Variants in DOC2A observed in about 807,000 individuals in gnomAD.
DOC2A encodes the protein double C2 domain alpha, also known as double C2-like domain-containing protein alpha.
Under a neutral mutation model 40.6 loss-of-function variants are expected in DOC2A, and 28 were observed. The observed-to-expected ratio is 0.69, with a 90% CI of 0.51 to 0.95. The LOEUF (loss-of-function observed/expected upper bound fraction) is 0.95. Ranked by LOEUF, DOC2A falls within the 40% of genes least tolerant of loss-of-function variation. The pLI is 0.00. For synonymous variants in DOC2A, 241 were observed against 236.9 expected, an observed-to-expected ratio of 1.02 and a Z score of -0.16; for missense variants, 474 against 552.5, an observed-to-expected ratio of 0.86 and a Z score of 1.42.
chr16:30,010,502 T>G lies in DOC2A; in HGVS notation c.-13-267A>C. The G allele has an allele frequency of 3.6e-6, 2 of 554,764 alleles. No individual in the cohort carries two copies. The highest frequency in any genetic ancestry group is 4.0e-5 in the South Asian group (2 of 49,628). The allele number at this position is 554,764 out of a possible 1,614,324, so 34.4% of individuals were successfully genotyped here. ...TCCTCACCCACCCACTTCTAGGTTGTCCCTGTATCATCTTGCCAGCTCCTT... is the reference window on the plus strand; with the variant it reads ...TCCTCACCCACCCACTTCTAGGTTGGCCCTGTATCATCTTGCCAGCTCCTT... On this transcript the variant is annotated intron_variant, in intron 1 of 10. Transcript: ENST00000350119. This position sits in a 1 kb window ranked among gnomAD's most constrained non-coding sequence, Gnocchi z 4.2.
rs369844303 is a variant in DOC2A, at chr16:30,006,540, G to C, written c.961-31C>G. 56 of 1,613,242 alleles carry C rather than the reference G, an allele frequency of 3.5e-5. 1 individual carries two copies. The Middle Eastern group carries it at 2.6e-3, about 76-fold the overall frequency. ...GACAAGGCCGGCCACCCGTTCGTGA[G>C]CCAGCTCCCCAGCCCCTCCCTGGCC... On this transcript the variant is annotated intron_variant, in intron 9 of 10. Coordinates refer to ENST00000350119, the MANE Select transcript of DOC2A (RefSeq NM_003586.3). The surrounding 1 kb of genome is among the most constrained non-coding windows in gnomAD (Gnocchi z 6.2).
chr16:30,016,041 A>ATT (rs2070851649), upstream of DOC2A, among the ~76,000 whole-genome samples: 2 of 39,684 alleles, frequency 5.0e-5, no homozygotes, highest in African/African-American at 2.6e-4. Flanking sequence ...ATATATATAT[A>ATT]TATATATATA....
chr16:30,017,162 C>G (rs987139325), upstream of DOC2A, among the ~76,000 whole-genome samples: 1 of 151,834 alleles, frequency 6.6e-6, no homozygotes, highest in Non-Finnish European at 1.5e-5. Context: ...ACTTGTAGTC[C>G]CAGCTACTCG....
upstream of DOC2A, chr16:30,021,660 G>A (rs371506527): frequency 3.3e-5 from 5 of 151,974 alleles, no homozygotes; most frequent in African/African-American, 9.7e-5. Context: ...GGAGGCCCGG[G>A]AGTCCGCCCC....
chr16:30,022,554 C>A (rs2070928122), upstream of DOC2A, among the ~76,000 whole-genome samples: 1 of 151,938 alleles, frequency 6.6e-6, no homozygotes, highest in Non-Finnish European at 1.5e-5. Context: ...GCCTGTGGTC[C>A]CAGCTACTCA....
Position 30,010,151 on chromosome 16 carries a change from C to G in DOC2A, c.72G>C (p.Gly24=). 1 of 1,613,970 alleles carries G rather than the reference C, an allele frequency of 6.2e-7. No homozygotes were observed. The highest frequency in any genetic ancestry group is 8.5e-7 in the Non-Finnish European group (1 of 1,179,954). Reference sequence around the variant, plus strand: ...AGATCTGGCGGATGGGCCGGATGGGCCCGGGGCACACGTTGATGGCCATGT... The same window carrying G: ...AGATCTGGCGGATGGGCCGGATGGGGCCGGGGCACACGTTGATGGCCATGT... ...QEHMAINVCP[G]PIRPIRQISD... is the part of the protein sequence containing the mutation. Residue 24 remains glycine, a synonymous_variant, in exon 2 of 11, where the codon GGG becomes GGC. Transcript: ENST00000350119. The surrounding 1 kb of genome is among the most constrained non-coding windows in gnomAD (Gnocchi z 4.2).
At position 30,010,472 on chromosome 16, in the gene DOC2A, C is replaced by G. The variant is rs551403551; in HGVS notation, c.-13-237G>C. 1.6e-6 allele frequency: 1 copy of G among 606,146 alleles called. No homozygotes were observed. Among genetic ancestry groups the G allele is most frequent in the South Asian group, 1.9e-5 (1 of 52,924 alleles). 37.5% of individuals were successfully genotyped at this position (606,146 alleles called of 1,614,324 possible). A position where few individuals can be genotyped will look rare whatever the true frequency, so the allele number is the denominator to read the frequency against. ...CCTTGCAGAAGTCGAGGTTGCACCA[C>G]CCCGTCCTCACCCACCCACTTCTAG... On this transcript the variant is annotated intron_variant, in intron 1 of 10. Coordinates refer to ENST00000350119, the MANE Select transcript of DOC2A (RefSeq NM_003586.3). This position sits in a 1 kb window ranked among gnomAD's most constrained non-coding sequence, Gnocchi z 4.2.
At chr16:30,016,040 TATATATATATATATA>T (rs370861470), upstream of DOC2A, among the ~76,000 whole-genome samples, 13 of 26,558 alleles carry the variant, frequency 4.9e-4, no homozygotes, top group South Asian at 3.0e-3. Flanking sequence ...TATATATATA[TATATATATATATATA>T]TTTTTTTTTT....
Position 30,010,833 on chromosome 16 carries a change from G to C in DOC2A, c.-14+70C>G. On this transcript the variant is annotated intron_variant, in intron 1 of 10. Coordinates refer to ENST00000350119, the MANE Select transcript of DOC2A (RefSeq NM_003586.3). This position sits in a 1 kb window ranked among gnomAD's most constrained non-coding sequence, Gnocchi z 4.2. The stretch of plus-strand genomic sequence containing the variant: ...AGCCGCAGGAGAGCCGAACACCCCC[G>C]TAGCGCACACAGGCTGGCACGCTTC... 1 of 975,458 alleles carries C rather than the reference G, an allele frequency of 1.0e-6. No individual in the cohort carries two copies. Among genetic ancestry groups the C allele is most frequent in the Non-Finnish European group, 1.2e-6 (1 of 815,126 alleles). 60.4% of individuals were successfully genotyped at this position (975,458 alleles called of 1,614,324 possible).
intron 1 of DOC2A, among the ~76,000 whole-genome samples, chr16:30,017,462 TA>T (rs2070865638): frequency 6.6e-6 from 1 of 151,920 alleles, no homozygotes; most frequent in African/African-American, 2.4e-5. Flanking sequence ...TATGCAGCCA[TA>T]AAAAAGAATG....
chr16:30,020,058 G>A (rs2070893941), intron 1 of DOC2A, among the ~76,000 whole-genome samples: 1 of 152,156 alleles, frequency 6.6e-6, no homozygotes, highest in Non-Finnish European at 1.5e-5. Flanking sequence ...ACAGGCGCAT[G>A]CTACCGCACC....
At chr16:30,011,133 A>G (rs1245577235), upstream of DOC2A, 2 of 718,474 alleles carry the variant, frequency 2.8e-6, no homozygotes, top group Non-Finnish European at 3.4e-6. Context: ...TCGGACTCCC[A>G]CCCGGGGCCC....
At chr16:30,022,246 C>CAA (rs60987861), upstream of DOC2A, among the ~76,000 whole-genome samples, 21 of 34,304 alleles carry the variant, frequency 6.1e-4, no homozygotes, top group African/African-American at 1.3e-3. Context: ...AACTCCATCT[C>CAA]AAAAAAAAAA....
chr16:30,005,875 A>C lies in DOC2A; in HGVS notation c.*311T>G. Reference sequence around the variant, plus strand: ...ACCTCCTCCCTGTTGGGGGAGAGGGACGGGGCAGCGTGGAGAGGCAGGAGT... The same window carrying C: ...ACCTCCTCCCTGTTGGGGGAGAGGGCCGGGGCAGCGTGGAGAGGCAGGAGT... On this transcript the variant is annotated 3_prime_UTR_variant, in exon 11 of 11. Coordinates refer to ENST00000350119, the MANE Select transcript of DOC2A (RefSeq NM_003586.3). 2.1e-6 allele frequency: 1 copy of C among 486,512 alleles called. No individual in the cohort carries two copies. The highest frequency in any genetic ancestry group is 3.7e-6 in the Non-Finnish European group (1 of 272,970). 30.1% of individuals were successfully genotyped at this position (486,512 alleles called of 1,614,324 possible). A position where few individuals can be genotyped will look rare whatever the true frequency, so the allele number is the denominator to read the frequency against.
chr16:30,009,239 G>A lies in DOC2A; in HGVS notation c.380C>T (p.Pro127Leu). 6.4e-7 allele frequency: 1 copy of A among 1,572,106 alleles called. No individual in the cohort carries two copies. The highest frequency in any genetic ancestry group is 8.6e-7 in the Non-Finnish European group (1 of 1,157,610). ...AGGCAGCAAGTGCAGCTTGACGTAG[G>A]GGTCGGCGAGGCCATTGAAATCCAT... ...KPMDFNGLAD[P>L]YVKLHLLPGA... is the part of the protein sequence containing the mutation. The change falls in exon 4 of 11, where the codon CCC becomes CTC. Residue 127 changes from proline to leucine, a missense_variant. By Grantham distance (98) the Pro-to-Leu change is moderately conservative (BLOSUM62 -3). Transcript: ENST00000350119. This position sits in a 1 kb window ranked among gnomAD's most constrained non-coding sequence, Gnocchi z 4.1.
upstream of DOC2A, chr16:30,011,519 G>C (rs1596709689): frequency 1.6e-6 from 1 of 624,074 alleles, no homozygotes; most frequent in East Asian, 1.5e-4. Context: ...CGGCCTCGTT[G>C]TCATGGCGAC....
chr16:30,010,861 C>A lies in DOC2A; in HGVS notation c.-14+42G>T. The A allele has an allele frequency of 1.4e-5, 14 of 999,022 alleles. No individual in the cohort carries two copies. Among genetic ancestry groups the A allele is most frequent in the Non-Finnish European group, 1.7e-5 (14 of 837,036 alleles). The allele number at this position is 999,022 out of a possible 1,614,324, so 61.9% of individuals were successfully genotyped here. A position where few individuals can be genotyped will look rare whatever the true frequency, so the allele number is the denominator to read the frequency against. ...GCGCACACAGGCTGGCACGCTTCCCCGCACCCTCACGCCCCCGGCCTGCCC... is the reference window on the plus strand; with the variant it reads ...GCGCACACAGGCTGGCACGCTTCCCAGCACCCTCACGCCCCCGGCCTGCCC... On this transcript the variant is annotated intron_variant, in intron 1 of 10. Coordinates refer to ENST00000350119, the MANE Select transcript of DOC2A (RefSeq NM_003586.3). This position sits in a 1 kb window ranked among gnomAD's most constrained non-coding sequence, Gnocchi z 4.2.
Position 30,010,098 on chromosome 16 carries a change from G to C in DOC2A, c.125C>G (p.Pro42Arg). ...ISDYFPRGPG[P>R]EGGGGGGGEA... ...CCCGCCGCCCCCGCCGCCCCCTTCA[G>C]GTCCTGGTCCCCGGGGGAAGTAGTC... Residue 42 changes from proline to arginine, a missense_variant, in exon 2 of 11, where the codon CCT (proline) becomes CGT (arginine). Physicochemically the swap from Pro to Arg is moderately radical, Grantham distance 103. Coordinates refer to ENST00000350119, the MANE Select transcript of DOC2A (RefSeq NM_003586.3). This position sits in a 1 kb window ranked among gnomAD's most constrained non-coding sequence, Gnocchi z 4.2. 1 of 1,613,116 alleles carries C rather than the reference G, an allele frequency of 6.2e-7. No homozygotes were observed. The highest frequency in any genetic ancestry group is 8.5e-7 in the Non-Finnish European group (1 of 1,179,476).
upstream of DOC2A, chr16:30,011,258 G>A (rs2070773174): frequency 2.1e-6 from 2 of 935,170 alleles, no homozygotes; most frequent in East Asian, 2.3e-4. Flanking sequence ...GCACCCCCGC[G>A]CGCACACGCC....
Sources: gnomAD v4.1 joint callset for allele counts (sites outside exome capture counted in the v4.1 genomes callset) on GRCh38, gnomAD v4.1.1 for gene constraint, Gnocchi (gnomAD v3.1) non-coding constraint, MANE v1.5 for transcripts, NCBI Gene and HGNC (gene_info 2026-07-23, HGNC 2026-07-21) for gene names.